Variants in BEND7 observed in about 807,000 individuals in gnomAD.
The protein encoded by BEND7 is BEN domain containing 7.
BEND7 carries 28 observed loss-of-function variants against 50.9 expected under a neutral mutation model. The ratio of observed to expected loss-of-function variants is 0.55; its 90% confidence interval spans 0.41 to 0.75. The LOEUF (loss-of-function observed/expected upper bound fraction) is 0.75, where lower values mean the gene tolerates loss of function less well. Among genes scored for constraint, BEND7 ranks in the 30% least tolerant of loss-of-function variants. The pLI, the probability that BEND7 is intolerant of heterozygous loss-of-function variation, is 0.00. For synonymous variants in BEND7, 170 were observed against 183.9 expected (o/e 0.92, Z 0.61); for missense variants, 477 against 491.3 (o/e 0.97, Z 0.28).
At chr10:13,475,153 A>G (rs1257265678) in intron 6 of BEND7, among the ~76,000 whole-genome samples, 3 of 152,234 alleles carry the variant, frequency 2.0e-5, no homozygotes, top group Non-Finnish European at 4.4e-5. Flanking sequence ...TCATAAAACA[A>G]GGGATAATAC....
intron 2 of BEND7, among the ~76,000 whole-genome samples, chr10:13,514,934 T>C (rs2078554150): frequency 6.6e-6 from 1 of 152,228 alleles, no homozygotes; most frequent in Non-Finnish European, 1.5e-5. Context: ...TGAGATATAA[T>C]TCCATTCACC....
intron 2 of BEND7, among the ~76,000 whole-genome samples, chr10:13,521,869 G>C (rs1460695419): frequency 6.6e-6 from 1 of 152,218 alleles, no homozygotes; most frequent in Non-Finnish European, 1.5e-5. Context: ...GTGGCTGGGA[G>C]ATAACTCTCT....
intron 6 of BEND7, among the ~76,000 whole-genome samples, chr10:13,458,151 C>T (rs957997563): frequency 1.3e-5 from 2 of 152,242 alleles, no homozygotes; most frequent in African/African-American, 4.8e-5. Context: ...TGAATAATGA[C>T]TTTTCCCAGA....
At chr10:13,468,043 A>G (rs567123811) in intron 6 of BEND7, among the ~76,000 whole-genome samples, 44 of 152,298 alleles carry the variant, frequency 2.9e-4, no homozygotes, top group African/African-American at 1.0e-3. Context: ...TCTGCCCGGG[A>G]AGTTCAAGTA....
At chr10:13,464,343 T>C (rs1296567501) in intron 6 of BEND7, among the ~76,000 whole-genome samples, 3 of 152,214 alleles carry the variant, frequency 2.0e-5, no homozygotes, top group Non-Finnish European at 4.4e-5. Flanking sequence ...AGGGTTAGAA[T>C]GTGCTGAGAT....
At chr10:13,529,167 C>G (rs1442397051), upstream of BEND7, among the ~76,000 whole-genome samples, 1 of 144,270 alleles carries the variant, frequency 6.9e-6, no homozygotes, top group Non-Finnish European at 1.5e-5. Flanking sequence ...CGCGGCGCCC[C>G]GAGGAGGCGC....
chr10:13,496,928 C>CAAAAAAAAAAAAAAA, intron 3 of BEND7, 40 bp from the exon 4 acceptor site: 2 of 1,132,116 alleles, frequency 1.8e-6, no homozygotes, highest in African/African-American at 1.8e-5. Flanking sequence ...CCAAACAAAC[C>CAAAAAAAAAAAAAAA]AAAAAAAAAA....
chr10:13,472,859 G>T (rs575666004), intron 6 of BEND7, among the ~76,000 whole-genome samples: 1 of 142,904 alleles, frequency 7.0e-6, no homozygotes, highest in Non-Finnish European at 1.5e-5. Context: ...TGTTAGACTC[G>T]GGGTCGATAC....
chr10:13,520,724 T>G (rs2079026551), intron 2 of BEND7, among the ~76,000 whole-genome samples: 1 of 152,068 alleles, frequency 6.6e-6, no homozygotes, highest in Non-Finnish European at 1.5e-5. Flanking sequence ...AGGTTCCCAT[T>G]TGTAAAACAT....
At chr10:13,488,950 G>T (rs530664416) in intron 5 of BEND7, among the ~76,000 whole-genome samples, 1 of 152,136 alleles carries the variant, frequency 6.6e-6, no homozygotes, top group African/African-American at 2.4e-5. Context: ...ATTTGTTCAC[G>T]TGTATTTTTT....
At chr10:13,497,032 C>T (rs1376795780) in intron 3 of BEND7, 144 bp from the exon 4 acceptor site, 14 of 982,962 alleles carry the variant, frequency 1.4e-5, no homozygotes, top group Non-Finnish European at 1.7e-5. Flanking sequence ...CTAAGGAAAA[C>T]GTACCCACTA....
At chr10:13,518,807 C>T (rs1295731703) in intron 2 of BEND7, among the ~76,000 whole-genome samples, 1 of 152,186 alleles carries the variant, frequency 6.6e-6, no homozygotes, top group Non-Finnish European at 1.5e-5. Context: ...TAGCAGTATA[C>T]TTTACAATAA....
In BEND7 at chr10:13,509,125, A is replaced by C. The variant is rs192502619; in HGVS notation, c.146-9045T>G. Among the ~76,000 whole-genome samples the C allele has an allele frequency of 4.6e-5, 7 of 152,358 alleles. No homozygotes were observed. The South Asian group carries it at 8.3e-4, about 18-fold the overall frequency. On this transcript the variant is annotated intron_variant, in intron 2 of 8. Coordinates refer to ENST00000466271, the MANE Select transcript of BEND7 (RefSeq NM_001369863.1). ...AAAATGAGCTATCACACGGCTTCTCAAACTTTTCCCTCAAAGAACACAGAA... is the reference window on the plus strand; with the variant it reads ...AAAATGAGCTATCACACGGCTTCTCCAACTTTTCCCTCAAAGAACACAGAA...
intron 5 of BEND7, among the ~76,000 whole-genome samples, chr10:13,491,756 TG>T (rs768167964): frequency 1.3e-5 from 2 of 152,184 alleles, no homozygotes; most frequent in Admixed American, 1.3e-4. Context: ...AAAAGCAATT[TG>T]TTTCCTACTT....
intron 5 of BEND7, among the ~76,000 whole-genome samples, chr10:13,491,605 TA>T (rs1189379460): frequency 6.7e-6 from 1 of 148,728 alleles, no homozygotes; most frequent in Admixed American, 6.7e-5. Flanking sequence ...GAGAATTAGG[TA>T]AAAGTTCCAA....
chr10:13,524,673 C>T (rs912981323), intron 2 of BEND7, among the ~76,000 whole-genome samples: 1 of 149,768 alleles, frequency 6.7e-6, no homozygotes, highest in Non-Finnish European at 1.5e-5. Context: ...AAAAGAATTC[C>T]AACTGACCAA....
intron 6 of BEND7, among the ~76,000 whole-genome samples, chr10:13,455,399 A>G (rs1838726176): frequency 6.6e-6 from 1 of 152,008 alleles, no homozygotes; most frequent in African/African-American, 2.4e-5. Flanking sequence ...GGTTCTCATA[A>G]AAAGGAGGGA....
intron 2 of BEND7, among the ~76,000 whole-genome samples, chr10:13,505,415 G>A (rs1325329268): frequency 6.6e-6 from 1 of 152,180 alleles, no homozygotes; most frequent in Non-Finnish European, 1.5e-5. Context: ...CAGGAAACCT[G>A]TGTGGATAAC....
chr10:13,518,045 C>A (rs1383479436), intron 2 of BEND7, among the ~76,000 whole-genome samples: 1 of 152,218 alleles, frequency 6.6e-6, no homozygotes. Flanking sequence ...TATGATTTTC[C>A]TCAGAAAACA....
Sources: allele counts gnomAD v4.1 joint callset (sites outside exome capture counted in the v4.1 genomes callset), GRCh38; gene constraint gnomAD v4.1.1; transcripts MANE v1.5; gene names NCBI Gene and HGNC (gene_info 2026-07-23, HGNC 2026-07-21).